KMT5C: variants seen among roughly 807,000 people sequenced by gnomAD.
KMT5C encodes the protein lysine methyltransferase 5C.
KMT5C carries 16 observed loss-of-function variants against 38.2 expected under a neutral mutation model. The ratio of observed to expected loss-of-function variants is 0.42; its 90% confidence interval spans 0.28 to 0.64. The LOEUF is 0.64. KMT5C is among the 30% of genes least tolerant of loss of function. The pLI, the probability that KMT5C is intolerant of heterozygous loss-of-function variation, is 0.23. For missense variants in KMT5C, 598 were observed against 665.1 expected, an observed-to-expected ratio of 0.90 and a Z score of 1.11; for synonymous variants, 291 against 279.0, an observed-to-expected ratio of 1.04 and a Z score of -0.43.
At chr19:55,346,438 C>T in intron 7 of KMT5C, 62 bp from the exon 8 acceptor site, 1 of 1,599,606 alleles carries the variant, frequency 6.3e-7, no homozygotes, top group Non-Finnish European at 8.5e-7. Flanking sequence ...CTGAGTGTGT[C>T]CAACCCCAGC....
At chr19:55,344,606 G>A (rs1214793504) in intron 6 of KMT5C, 1 of 459,152 alleles carries the variant, frequency 2.2e-6, no homozygotes, top group Admixed American at 2.5e-5. Flanking sequence ...GAGTGTGGCA[G>A]GGAGGCAGGG....
intron 6 of KMT5C, among the ~76,000 whole-genome samples, chr19:55,345,646 C>A (rs2089608664): frequency 6.6e-6 from 1 of 152,120 alleles, no homozygotes; most frequent in Admixed American, 6.5e-5. Context: ...TGGTCATGCC[C>A]CCTCCTAGAC....
At chr19:55,342,503 C>A in intron 3 of KMT5C, 123 bp downstream of exon 3, 2 of 758,566 alleles carry the variant, frequency 2.6e-6, no homozygotes, top group Non-Finnish European at 4.2e-6. Flanking sequence ...GACTTCCTAG[C>A]CCTTGGGACC....
At chr19:55,342,118 G>T (rs1056829582) in intron 2 of KMT5C, 72 bp downstream of exon 2, 1 of 1,579,878 alleles carries the variant, frequency 6.3e-7, no homozygotes, top group Non-Finnish European at 8.7e-7. Context: ...GCCGCCCCTC[G>T]GCCCTCTCCT....
chr19:55,344,762 G>C (rs564897035), intron 6 of KMT5C: 1 of 528,090 alleles, frequency 1.9e-6, no homozygotes, highest in African/African-American at 1.9e-5. Context: ...CCTGTAGCCC[G>C]GAAGCAGAAG....
Position 55,343,564 on chromosome 19 carries a change from ACCAGCG to A in KMT5C, c.387-113_387-108del. 1 of 989,472 alleles carries A rather than the reference ACCAGCG, an allele frequency of 1.0e-6. No homozygotes were observed. The highest frequency in any genetic ancestry group is 2.4e-5 in the Admixed American group (1 of 41,486). 61.3% of individuals were successfully genotyped at this position (989,472 alleles called of 1,614,324 possible). A position where few individuals can be genotyped will look rare whatever the true frequency, so the allele number is the denominator to read the frequency against. On this transcript the variant is annotated intron_variant, in intron 4 of 8. Transcript: ENST00000255613. This position sits in a 1 kb window ranked among gnomAD's most constrained non-coding sequence, Gnocchi z 5.5. ...GGAAGATGGATCGCCAATAGCCAGC[ACCAGCG>A]CCCAGGAGTCCCTCCTTCCTGGGTG...
rs907773954 is a variant in KMT5C, at chr19:55,343,273, G to A, written c.387-407G>A. 6.3e-6 allele frequency: 2 copies of A among 319,040 alleles called. No homozygotes were observed. The highest frequency in any genetic ancestry group is 4.2e-5 in the African/African-American group (2 of 47,580). 19.8% of individuals were successfully genotyped at this position (319,040 alleles called of 1,614,324 possible). A position where few individuals can be genotyped will look rare whatever the true frequency, so the allele number is the denominator to read the frequency against. ...TGGTCCCAGCTGGTACATGCTGCAG[G>A]GGAGCTGTGAGGAATGAGCAAGTGC... is the stretch of plus-strand genomic sequence containing the variant. On this transcript the variant is annotated intron_variant, in intron 4 of 8. Coordinates refer to ENST00000255613, the MANE Select transcript of KMT5C (RefSeq NM_032701.4). This position sits in a 1 kb window ranked among gnomAD's most constrained non-coding sequence, Gnocchi z 5.5.
rs1346485752 is a variant in KMT5C, at chr19:55,343,099, C to G, written c.386+248C>G. ...TCCAGGAAAGAACTAGGCTTCTGGT[C>G]AGGGCCGTGCTGTCCTTACCTCCTT... On this transcript the variant is annotated intron_variant, in intron 4 of 8. Transcript: ENST00000255613. This position sits in a 1 kb window ranked among gnomAD's most constrained non-coding sequence, Gnocchi z 5.5. 2.0e-6 allele frequency: 1 copy of G among 488,458 alleles called. No individual in the cohort carries two copies. The allele number at this position is 488,458 out of a possible 1,614,324, so 30.3% of individuals were successfully genotyped here.
intron 3 of KMT5C, 70 bp downstream of exon 3, chr19:55,342,450 G>C: frequency 7.9e-7 from 1 of 1,270,820 alleles, no homozygotes; most frequent in East Asian, 2.5e-5. Flanking sequence ...GTCCCGCCTG[G>C]CAGACGCTCT....
At chr19:55,344,630 GC>G in intron 6 of KMT5C, 3 of 496,226 alleles carry the variant, frequency 6.0e-6, no homozygotes, top group East Asian at 5.9e-5. Flanking sequence ...TGTGGTGGGA[GC>G]CCCCGGCCTT....
chr19:55,342,118 G>A (rs1056829582), intron 2 of KMT5C, 72 bp downstream of exon 2: 17 of 1,579,880 alleles, frequency 1.1e-5, no homozygotes, highest in South Asian at 2.2e-5. Context: ...GCCGCCCCTC[G>A]GCCCTCTCCT....
At chr19:55,340,765 T>C (rs749289230) in intron 1 of KMT5C, among the ~76,000 whole-genome samples, 23 of 150,376 alleles carry the variant, frequency 1.5e-4, no homozygotes, top group Admixed American at 1.3e-4. Context: ...CCGCTCTCTG[T>C]CCTCCCTGGC....
Position 55,347,354 on chromosome 19 carries a change from G to T in KMT5C, c.1294G>T (p.Ala432Ser). 6.3e-7 allele frequency: 1 copy of T among 1,580,232 alleles called. No homozygotes were observed. ...AGGCCCCATCCTGATCCCGAAGCAG[G>T]CCCTCGCCTTCGCCCCCTTCTCCCC... ...TPGPILIPKQALAFAPFSPPK... is the reference protein window; with the variant it reads ...TPGPILIPKQSLAFAPFSPPK... The change falls in exon 9 of 9, where the codon GCC (alanine) becomes TCC (serine). Residue 432 changes from alanine to serine, a missense_variant. By Grantham distance (99) the Ala-to-Ser change is moderately conservative. Around this residue, in one of 3 missense-constraint regions of KMT5C, gnomAD observed 326 missense variants for 298.1 expected, o/e 1.09. Coordinates refer to ENST00000255613, the MANE Select transcript of KMT5C (RefSeq NM_032701.4). The surrounding 1 kb of genome is among the most constrained non-coding windows in gnomAD (Gnocchi z 4.6).
intron 1 of KMT5C, among the ~76,000 whole-genome samples, chr19:55,340,318 C>T (rs59862691): frequency 6.6e-6 from 1 of 151,054 alleles, no homozygotes; most frequent in Non-Finnish European, 1.5e-5. Flanking sequence ...CTCCCTGCAC[C>T]CTCAGGGCCT....
intron 7 of KMT5C, 26 bp downstream of exon 7, chr19:55,346,375 G>A: frequency 1.2e-6 from 2 of 1,613,702 alleles, no homozygotes; most frequent in Non-Finnish European, 1.7e-6. Context: ...AGGCGGCTGG[G>A]TTCGGGTCGT....
intron 8 of KMT5C, 73 bp from the exon 9 acceptor site, chr19:55,346,883 G>T: frequency 1.3e-6 from 1 of 775,274 alleles, no homozygotes; most frequent in East Asian, 2.4e-5. Context: ...TTGTCCAGAG[G>T]AGGACCGGCC....
chr19:55,343,279 T>G lies in KMT5C; in HGVS notation c.387-401T>G. 1 of 313,666 alleles carries G rather than the reference T, an allele frequency of 3.2e-6. No individual in the cohort carries two copies. The highest frequency in any genetic ancestry group is 6.1e-6 in the Non-Finnish European group (1 of 163,800). The allele number at this position is 313,666 out of a possible 1,614,324, so 19.4% of individuals were successfully genotyped here. On this transcript the variant is annotated intron_variant, in intron 4 of 8. Transcript: ENST00000255613. This position sits in a 1 kb window ranked among gnomAD's most constrained non-coding sequence, Gnocchi z 5.5. ...CAGCTGGTACATGCTGCAGGGGAGC[T>G]GTGAGGAATGAGCAAGTGCTCCCAG...
intron 1 of KMT5C, among the ~76,000 whole-genome samples, chr19:55,341,184 C>G (rs991250431): frequency 6.6e-6 from 1 of 152,212 alleles, no homozygotes; most frequent in Non-Finnish European, 1.5e-5. Flanking sequence ...TGCTGCCTCC[C>G]CATAGTCTTC....
In KMT5C at chr19:55,347,589, G is replaced by A; in HGVS notation, c.*140G>A. 1.5e-6 allele frequency: 2 copies of A among 1,345,962 alleles called. No individual in the cohort carries two copies. 83.4% of individuals were successfully genotyped at this position (1,345,962 alleles called of 1,614,324 possible). ...TAGCTCTGACCCTGGAATGGGGTTGGTTTGGACACCCCCAGGGATCTGAGC... is the reference window on the plus strand; with the variant it reads ...TAGCTCTGACCCTGGAATGGGGTTGATTTGGACACCCCCAGGGATCTGAGC... On this transcript the variant is annotated 3_prime_UTR_variant, in exon 9 of 9. Coordinates refer to ENST00000255613, the MANE Select transcript of KMT5C (RefSeq NM_032701.4). This position sits in a 1 kb window ranked among gnomAD's most constrained non-coding sequence, Gnocchi z 4.6.
Sources: allele counts gnomAD v4.1 joint callset (sites outside exome capture counted in the v4.1 genomes callset), GRCh38; gene constraint gnomAD v4.1.1; regional missense constraint gnomAD v4.1.1; non-coding constraint Gnocchi (gnomAD v3.1); transcripts MANE v1.5; gene names NCBI Gene and HGNC (gene_info 2026-07-23, HGNC 2026-07-21).